TSNARE1: variants seen among roughly 807,000 people sequenced by gnomAD.
TSNARE1 encodes t-SNARE domain containing 1, also known as t-SNARE domain-containing protein 1.
Under a neutral mutation model 62.0 loss-of-function variants are expected in TSNARE1, and 49 were observed. That is an observed-to-expected ratio of 0.79 (90% CI 0.63 to 1.00). TSNARE1 has a LOEUF of 1.00. Ranked by LOEUF, TSNARE1 falls within the 50% of genes least tolerant of loss-of-function variation. The pLI, the probability that TSNARE1 is intolerant of heterozygous loss-of-function variation, is 0.00. For synonymous variants in TSNARE1, 328 were observed against 294.4 expected, an observed-to-expected ratio of 1.11 and a Z score of -1.17; for missense variants, 755 against 700.1, an observed-to-expected ratio of 1.08 and a Z score of -0.88.
At chr8:142,249,426 G>T (rs1287043861) in intron 12 of TSNARE1, among the ~76,000 whole-genome samples, 1 of 152,174 alleles carries the variant, frequency 6.6e-6, no homozygotes, top group Non-Finnish European at 1.5e-5. Flanking sequence ...TGGCTACTAG[G>T]AAGGGGGACA....
At chr8:142,253,625 TG>T (rs1818286046) in intron 12 of TSNARE1, among the ~76,000 whole-genome samples, 1 of 152,098 alleles carries the variant, frequency 6.6e-6, no homozygotes, top group African/African-American at 2.4e-5. Flanking sequence ...CTGGGCTCTG[TG>T]TTTGCCCCTG....
chr8:142,279,445 C>G (rs1052527910), intron 11 of TSNARE1, among the ~76,000 whole-genome samples: 2 of 152,234 alleles, frequency 1.3e-5, no homozygotes, highest in African/African-American at 4.8e-5. Flanking sequence ...CCTCACCAGG[C>G]ACTGGTCCCA....
chr8:142,360,572 C>A (rs984949460), intron 1 of TSNARE1, among the ~76,000 whole-genome samples: 15 of 152,172 alleles, frequency 9.9e-5, no homozygotes, highest in African/African-American at 3.1e-4. Flanking sequence ...CTTCCGTGCC[C>A]GCCGAGGCCA....
At chr8:142,390,084 G>C (rs1837380249) in intron 1 of TSNARE1, among the ~76,000 whole-genome samples, 1 of 152,252 alleles carries the variant, frequency 6.6e-6, no homozygotes, top group African/African-American at 2.4e-5. Context: ...AGGTACGGCA[G>C]AAATACAGTT....
At chr8:142,341,834 G>A (rs1233723691) in intron 4 of TSNARE1, among the ~76,000 whole-genome samples, 2 of 152,142 alleles carry the variant, frequency 1.3e-5, no homozygotes, top group East Asian at 1.9e-4. Flanking sequence ...CACAACCACC[G>A]GCTCACTCAG....
intron 12 of TSNARE1, among the ~76,000 whole-genome samples, chr8:142,260,212 G>C (rs915914713): frequency 6.6e-6 from 1 of 152,144 alleles, no homozygotes; most frequent in Non-Finnish European, 1.5e-5. Context: ...CCTGGGGCAG[G>C]CCCCTAATTT....
At chr8:142,317,300 T>C (rs1828712685) in intron 7 of TSNARE1, among the ~76,000 whole-genome samples, 2 of 132,964 alleles carry the variant, frequency 1.5e-5, no homozygotes, top group South Asian at 4.8e-4. Context: ...GAAGCGGGTA[T>C]GGCCAGCGGC....
chr8:142,299,353 C>G (rs1825287819), intron 10 of TSNARE1, among the ~76,000 whole-genome samples: 1 of 152,244 alleles, frequency 6.6e-6, no homozygotes, highest in South Asian at 2.1e-4. Context: ...GAATTACTGC[C>G]AGGCCTCTGC....
In TSNARE1 at chr8:142,278,426, C is replaced by T. The variant is rs940125780; in HGVS notation, c.1364-3563G>A. 10 of 985,464 alleles carry T rather than the reference C, an allele frequency of 1.0e-5. No homozygotes were observed. The African/African-American group carries it at 1.6e-4, about 15-fold the overall frequency. 61.0% of individuals were successfully genotyped at this position (985,464 alleles called of 1,614,324 possible). On this transcript the variant is annotated intron_variant, in intron 11 of 13. Coordinates refer to ENST00000524325, the MANE Select transcript of TSNARE1 (RefSeq NM_145003.5). Reference sequence around the variant, plus strand: ...TGTGGCCCTCAAGGAGCTGGTCCTGCTTCCGGGGCTTCGTTCCCAAAGTCC... The same window carrying T: ...TGTGGCCCTCAAGGAGCTGGTCCTGTTTCCGGGGCTTCGTTCCCAAAGTCC...
chr8:142,244,758 G>C (rs575277324), intron 12 of TSNARE1, among the ~76,000 whole-genome samples: 1 of 152,356 alleles, frequency 6.6e-6, no homozygotes, highest in Non-Finnish European at 1.5e-5. Context: ...GACGCAGGGA[G>C]AGAGACGCTT....
chr8:142,353,915 C>T (rs1434992440), intron 2 of TSNARE1, among the ~76,000 whole-genome samples: 5 of 145,232 alleles, frequency 3.4e-5, no homozygotes, highest in African/African-American at 5.3e-5. Flanking sequence ...GAGAGAGGTA[C>T]GCAAAGAGCT....
At chr8:142,223,313 C>CTCACTGAT (rs1554624430) in intron 13 of TSNARE1, among the ~76,000 whole-genome samples, 1 of 62,800 alleles carries the variant, frequency 1.6e-5, no homozygotes, top group Non-Finnish European at 3.7e-5. Flanking sequence ...CACTCATTCA[C>CTCACTGAT]TCACTCATTC....
intron 12 of TSNARE1, among the ~76,000 whole-genome samples, chr8:142,252,442 C>T (rs751835706): frequency 3.3e-5 from 5 of 152,194 alleles, no homozygotes; most frequent in African/African-American, 9.7e-5. Flanking sequence ...CTGGTTTCCC[C>T]GTCCTGCCCT....
At chr8:142,340,590 T>C (rs1832446048) in intron 4 of TSNARE1, among the ~76,000 whole-genome samples, 1 of 151,970 alleles carries the variant, frequency 6.6e-6, no homozygotes, top group South Asian at 2.1e-4. Context: ...CAAACTTTGA[T>C]GTGTGACTAT....
intron 12 of TSNARE1, among the ~76,000 whole-genome samples, chr8:142,260,574 C>CACCATCTGA (rs1242115366): frequency 6.6e-6 from 1 of 152,162 alleles, no homozygotes; most frequent in African/African-American, 2.4e-5. Flanking sequence ...CCATCTGACC[C>CACCATCTGA]AGCCTCACTT....
intron 13 of TSNARE1, among the ~76,000 whole-genome samples, chr8:142,227,054 G>GA (rs1563760622): frequency 7.1e-6 from 1 of 141,610 alleles, no homozygotes. Context: ...TGACAGCCAG[G>GA]CCCCCCACTG....
intron 4 of TSNARE1, among the ~76,000 whole-genome samples, chr8:142,334,505 A>G (rs1831489494): frequency 6.6e-6 from 1 of 151,690 alleles, no homozygotes; most frequent in Admixed American, 6.6e-5. Flanking sequence ...AGCAGGGGGG[A>G]CGGGACACAA....
intron 1 of TSNARE1, among the ~76,000 whole-genome samples, chr8:142,362,679 C>T (rs1835253646): frequency 6.6e-6 from 1 of 152,248 alleles, no homozygotes; most frequent in East Asian, 1.9e-4. Flanking sequence ...ACGGGTCCCA[C>T]TCTTCATACC....
At chr8:142,358,962 C>T (rs1383695381) in intron 1 of TSNARE1, among the ~76,000 whole-genome samples, 1 of 152,118 alleles carries the variant, frequency 6.6e-6, no homozygotes, top group Non-Finnish European at 1.5e-5. Context: ...CACCGGCACC[C>T]AAGGTCTCTG....
Sources: gnomAD v4.1 joint callset for allele counts (sites outside exome capture counted in the v4.1 genomes callset) on GRCh38, gnomAD v4.1.1 for gene constraint, MANE v1.5 for transcripts, NCBI Gene and HGNC (gene_info 2026-07-23, HGNC 2026-07-21) for gene names.